NETO2: variants seen among roughly 807,000 people sequenced by gnomAD.
The protein encoded by NETO2 is neuropilin and tolloid-like protein 2.
A neutral mutation model predicts 62.5 loss-of-function variants in NETO2; 28 were observed. That is an observed-to-expected ratio of 0.45 (90% CI 0.33 to 0.61). NETO2 has a LOEUF of 0.61. Ranked by LOEUF, NETO2 falls within the 20% of genes least tolerant of loss-of-function variation. The probability of loss-of-function intolerance (pLI) is 0.02; values close to 1 mark genes in which losing one functional copy is unlikely to be tolerated. For missense variants in NETO2, 548 were observed against 643.2 expected, an observed-to-expected ratio of 0.85 and a Z score of 1.60; for synonymous variants, 214 against 219.1, an observed-to-expected ratio of 0.98 and a Z score of 0.21.
intron 1 of NETO2, among the ~76,000 whole-genome samples, chr16:47,134,713 G>C (rs1964333949): frequency 6.6e-6 from 1 of 152,162 alleles, no homozygotes; most frequent in African/African-American, 2.4e-5. Flanking sequence ...GGGCATGTAA[G>C]AGGCCAATAA....
At position 47,081,177 on chromosome 16, in the gene NETO2, T is replaced by A. The variant is rs1220654202; in HGVS notation, c.*2044A>T. On this transcript the variant is annotated 3_prime_UTR_variant, in exon 9 of 9. Coordinates refer to ENST00000562435, the MANE Select transcript of NETO2 (RefSeq NM_018092.5). ...TTAAATATAGGTTTAACAGCTATTT[T>A]AAAAAATGAATAATTTTACATAGAA... 1 of 152,178 alleles carries A rather than the reference T, an allele frequency of 6.6e-6. No individual in the cohort carries two copies. The allele number at this position is 152,178 out of a possible 1,614,324, so 9.4% of individuals were successfully genotyped here.
intron 6 of NETO2, among the ~76,000 whole-genome samples, chr16:47,111,946 C>A (rs1963810011): frequency 6.6e-6 from 1 of 152,164 alleles, no homozygotes; most frequent in Admixed American, 6.5e-5. Flanking sequence ...TTTATTGGAG[C>A]CCCTGAAGAC....
At chr16:47,135,647 C>A (rs892040176) in intron 1 of NETO2, among the ~76,000 whole-genome samples, 2 of 151,992 alleles carry the variant, frequency 1.3e-5, no homozygotes, top group East Asian at 3.9e-4. Flanking sequence ...CAAAGCCACT[C>A]CCTTTATTCC....
intron 1 of NETO2, among the ~76,000 whole-genome samples, chr16:47,140,910 A>G (rs1206867744): frequency 1.3e-5 from 2 of 152,240 alleles, no homozygotes; most frequent in African/African-American, 4.8e-5. Context: ...CTCCTGAAGC[A>G]AGTGTGCAGA....
At chr16:47,141,133 A>G (rs1393058213) in intron 1 of NETO2, among the ~76,000 whole-genome samples, 2 of 152,260 alleles carry the variant, frequency 1.3e-5, no homozygotes, top group Non-Finnish European at 2.9e-5. Context: ...AACAAGAATA[A>G]TCAGTGGCAT....
Position 47,081,457 on chromosome 16 carries a change from AT to A in NETO2, c.*1763del, listed in dbSNP as rs766267811. 1.6e-4 allele frequency: 25 copies of A among 152,630 alleles called. No individual in the cohort carries two copies. The highest frequency in any genetic ancestry group is 2.8e-4 in the Non-Finnish European group (19 of 67,968). The allele number at this position is 152,630 out of a possible 1,614,324, so 9.5% of individuals were successfully genotyped here. A position where few individuals can be genotyped will look rare whatever the true frequency, so the allele number is the denominator to read the frequency against. On this transcript the variant is annotated 3_prime_UTR_variant, in exon 9 of 9. Transcript: ENST00000562435. ...AAAAAATTTAAATCATGAATACATT[AT>A]GTATAGGTTTTTCTGTCTCCTAAAT...
intron 4 of NETO2, among the ~76,000 whole-genome samples, chr16:47,127,508 T>A (rs1392627379): frequency 6.6e-6 from 1 of 152,120 alleles, no homozygotes; most frequent in African/African-American, 2.4e-5. Context: ...AGGTTAAGGA[T>A]CTTGAAAAGA....
intron 1 of NETO2, among the ~76,000 whole-genome samples, chr16:47,135,232 C>T (rs1291009884): frequency 6.6e-6 from 1 of 152,114 alleles, no homozygotes; most frequent in Non-Finnish European, 1.5e-5. Context: ...AATGCTAAAC[C>T]CTGCAATTAT....
At chr16:47,113,088 T>C (rs1012824111) in intron 6 of NETO2, among the ~76,000 whole-genome samples, 2 of 152,206 alleles carry the variant, frequency 1.3e-5, no homozygotes, top group African/African-American at 4.8e-5. Flanking sequence ...GGTATGACGA[T>C]TTCATTTGGG....
At chr16:47,124,406 T>C (rs906788658) in intron 4 of NETO2, among the ~76,000 whole-genome samples, 3 of 152,108 alleles carry the variant, frequency 2.0e-5, no homozygotes, top group Non-Finnish European at 4.4e-5. Flanking sequence ...TAACAACCCA[T>C]TAAGAGCCTC....
intron 6 of NETO2, among the ~76,000 whole-genome samples, chr16:47,112,939 T>C (rs1363288323): frequency 6.6e-6 from 1 of 152,218 alleles, no homozygotes; most frequent in African/African-American, 2.4e-5. Flanking sequence ...TGTTGTATTG[T>C]TCCATATATT....
At chr16:47,091,271 C>A (rs1389697436) in intron 7 of NETO2, among the ~76,000 whole-genome samples, 2 of 152,214 alleles carry the variant, frequency 1.3e-5, no homozygotes, top group African/African-American at 4.8e-5. Flanking sequence ...TAAACTTATT[C>A]TTACATTTGG....
chr16:47,127,434 TACAC>T (rs369841840), intron 4 of NETO2, among the ~76,000 whole-genome samples: 1 of 151,456 alleles, frequency 6.6e-6, no homozygotes, highest in Admixed American at 6.6e-5. Flanking sequence ...TATGTATCTA[TACAC>T]ACACACACAC....
At chr16:47,108,748 G>C (rs533243934) in intron 7 of NETO2, among the ~76,000 whole-genome samples, 20 of 152,152 alleles carry the variant, frequency 1.3e-4, no homozygotes, top group Admixed American at 9.2e-4. Context: ...ATACCGGACC[G>C]GTCTATAGCT....
At position 47,132,845 on chromosome 16, in the gene NETO2, A is replaced by T. The variant is rs1449812548; in HGVS notation, c.35-820T>A. ...AGAGAAATCGAGCAAAATGGTTAAG[A>T]GTATGGACTTAAGGAGTTTCATGAA... On this transcript the variant is annotated intron_variant, in intron 1 of 8. Coordinates refer to ENST00000562435, the MANE Select transcript of NETO2 (RefSeq NM_018092.5). Among the ~76,000 whole-genome samples the T allele has an allele frequency of 3.3e-5, 5 of 152,170 alleles. 1 individual carries two copies. Among genetic ancestry groups the T allele is most frequent in the Non-Finnish European group, 1.5e-5 (1 of 68,030 alleles).
At position 47,084,178 on chromosome 16, in the gene NETO2, C is replaced by T. The variant is rs541181286; in HGVS notation, c.998-377G>A. Among the ~76,000 whole-genome samples, 9 of 152,306 alleles carry T rather than the reference C, an allele frequency of 5.9e-5. No individual in the cohort carries two copies. In the East Asian group the frequency reaches 1.2e-3, roughly 20 times the overall value. ...ACCAACTGCTGTGTTCAGGTATACC[C>T]GCATCTACTGATGACCCCAGGGAGA... On this transcript the variant is annotated intron_variant, in intron 8 of 8. Transcript: ENST00000562435.
chr16:47,089,001 A>G (rs1007774696), intron 7 of NETO2, among the ~76,000 whole-genome samples: 2 of 152,238 alleles, frequency 1.3e-5, no homozygotes, highest in African/African-American at 4.8e-5. Flanking sequence ...AGAATGCCCT[A>G]AACGGTAGTA....
chr16:47,120,835 A>C (rs1056487521), intron 6 of NETO2, among the ~76,000 whole-genome samples: 3 of 151,086 alleles, frequency 2.0e-5, no homozygotes, highest in Non-Finnish European at 4.4e-5. Context: ...TGTCACTTAA[A>C]TTTTTTTTTC....
At chr16:47,088,048 G>C (rs1963234091) in intron 7 of NETO2, among the ~76,000 whole-genome samples, 1 of 152,146 alleles carries the variant, frequency 6.6e-6, no homozygotes, top group Non-Finnish European at 1.5e-5. Flanking sequence ...GTCAAGAAGT[G>C]AGGCAGCTTA....
Sources: gnomAD v4.1 joint callset for allele counts (sites outside exome capture counted in the v4.1 genomes callset) on GRCh38, gnomAD v4.1.1 for gene constraint, MANE v1.5 for transcripts, NCBI Gene and HGNC (gene_info 2026-07-23, HGNC 2026-07-21) for gene names.